POMGNT2: variants seen among roughly 807,000 people sequenced by gnomAD.
The protein encoded by POMGNT2 is protein O-linked mannose N-acetylglucosaminyltransferase 2 (beta 1,4-).
A neutral mutation model predicts 37.8 loss-of-function variants in POMGNT2; 32 were observed. That is an observed-to-expected ratio of 0.85 (90% CI 0.64 to 1.14). The LOEUF is 1.14. Among genes scored for constraint, POMGNT2 ranks in the 50% most tolerant of loss-of-function variants. The probability of loss-of-function intolerance (pLI) is 0.00; values close to 1 mark genes in which losing one functional copy is unlikely to be tolerated. For missense variants in POMGNT2, 705 were observed against 780.6 expected, an observed-to-expected ratio of 0.90 and a Z score of 1.15; for synonymous variants, 340 against 336.8, an observed-to-expected ratio of 1.01 and a Z score of -0.10.
rs1307756123 is a variant in POMGNT2 at position 43,098,605 on chromosome 3, C to T, written c.-106+7231G>A. ...AAGGGCTCACTTTCTTAGATTAAAA[C>T]TTTGACATGGGTAGTATCTTCTTGC... On this transcript the variant is annotated intron_variant, in intron 1 of 1. Coordinates refer to ENST00000344697, the MANE Select transcript of POMGNT2 (RefSeq NM_032806.6). This position sits in a 1 kb window ranked among gnomAD's most constrained non-coding sequence, Gnocchi z 4.3. 6.6e-6 allele frequency among the ~76,000 whole-genome samples: 1 copy of T among 152,136 alleles called. No homozygotes were observed. Among genetic ancestry groups the T allele is most frequent in the Non-Finnish European group, 1.5e-5 (1 of 68,014 alleles).
rs778188247 is a variant in POMGNT2 at position 43,080,633 on chromosome 3, A to T, written c.799T>A (p.Phe267Ile). 6.2e-7 allele frequency: 1 copy of T among 1,614,162 alleles called. No homozygotes were observed. The highest frequency in any genetic ancestry group is 1.7e-5 in the Admixed American group (1 of 60,030). Residue 267 changes from phenylalanine to isoleucine, a missense_variant, in exon 2 of 2, where the codon TTT becomes ATT. By Grantham distance (21) the Phe-to-Ile change is conservative. Transcript: ENST00000344697. ...AGCTTTTCTGTCATGAACCGTGCAA[A>T]CTGCCGGATCTCATTGCCTGAGACG... ...ILVSGNEIRQ[F>I]ARFMTEKLNV...
rs1271683157 is a variant in POMGNT2 at position 43,098,109 on chromosome 3, G to T, written c.-106+7727C>A. ...GAGGGGGTCAGCAACGGTGCAGAAG[G>T]TTTTATATTTTACTTTCACAGCAAT... is the stretch of plus-strand genomic sequence containing the variant. On this transcript the variant is annotated intron_variant, in intron 1 of 1. Transcript: ENST00000344697. The surrounding 1 kb of genome is among the most constrained non-coding windows in gnomAD (Gnocchi z 4.3). Among the ~76,000 whole-genome samples the T allele has an allele frequency of 6.6e-6, 1 of 152,218 alleles. No homozygotes were observed. Among genetic ancestry groups the T allele is most frequent in the African/African-American group, 2.4e-5 (1 of 41,446 alleles).
chr3:43,087,544 G>A (rs535279792), intron 1 of POMGNT2: 2 of 152,520 alleles, frequency 1.3e-5, no homozygotes, highest in Admixed American at 6.5e-5. Context: ...ATGAAGTTAG[G>A]ACTCCACTTC....
intron 1 of POMGNT2, chr3:43,090,561 C>T (rs1249335999): frequency 6.6e-6 from 1 of 152,036 alleles, no homozygotes; most frequent in Non-Finnish European, 1.5e-5. Context: ...ATGCCCTCAG[C>T]TGGAGTTCCG....
Position 43,080,740 on chromosome 3 carries a change from T to C in POMGNT2, c.692A>G (p.His231Arg), listed in dbSNP as rs779368036. Residue 231 changes from histidine (H) to arginine (R), a missense_variant, in exon 2 of 2, where the codon CAT (histidine) becomes CGT (arginine). Physicochemically the swap from His to Arg is conservative, Grantham distance 29. Coordinates refer to ENST00000344697, the MANE Select transcript of POMGNT2 (RefSeq NM_032806.6). ...KTLGRLLCFS[H>R]AFVGLSKITT... The stretch of plus-strand genomic sequence containing the variant: ...GATCTTGGAGAGGCCCACAAAAGCA[T>C]GGGAGAAGCACAGCAGCCGGCCCAG... The C allele has an allele frequency of 1.1e-5, 18 of 1,613,996 alleles. 1 individual carries two copies. The East Asian group carries it at 2.9e-4, about 26-fold the overall frequency.
Position 43,079,699 on chromosome 3 carries a change from C to T in POMGNT2, c.1733G>A (p.Cys578Tyr). 6.2e-7 allele frequency: 1 copy of T among 1,612,394 alleles called. No homozygotes were observed. Among genetic ancestry groups the T allele is most frequent in the Non-Finnish European group, 8.5e-7 (1 of 1,179,072 alleles). Residue 578 changes from cysteine to tyrosine, a missense_variant, in exon 2 of 2, where the codon TGC becomes TAC. Physicochemically the swap from Cys to Tyr is radical, Grantham distance 194 (BLOSUM62 -2). Transcript: ENST00000344697. ...GCTGTGGCCTGCTCGCTACGTGTTG[C>T]ACACCAGCACATCTGCAAAGGGTCC... Reference protein sequence around the residue: ...LLGPFADVLVCNT With the variant: ...LLGPFADVLVYNT
intron 1 of POMGNT2, among the ~76,000 whole-genome samples, chr3:43,100,104 A>C (rs1413132903): frequency 1.3e-5 from 2 of 151,566 alleles, no homozygotes; most frequent in African/African-American, 4.9e-5. Flanking sequence ...AGGACAAAGA[A>C]CTCTCCTACA....
intron 1 of POMGNT2, among the ~76,000 whole-genome samples, chr3:43,085,297 A>C (rs1457123952): frequency 8.5e-5 from 13 of 152,252 alleles, no homozygotes; most frequent in Non-Finnish European, 2.9e-5. Context: ...GCAAAGGTGG[A>C]AGTCTAGGCT....
At position 43,079,614 on chromosome 3, in the gene POMGNT2, C is replaced by T; in HGVS notation, c.*75G>A. On this transcript the variant is annotated 3_prime_UTR_variant, in exon 2 of 2. Transcript: ENST00000344697. ...TCAATAAATAGTTCCCAGAAGTCTCCACAGTGGGATTAATGGGCCCAGGGA... is the reference window on the plus strand; with the variant it reads ...TCAATAAATAGTTCCCAGAAGTCTCTACAGTGGGATTAATGGGCCCAGGGA... 1.5e-6 allele frequency: 2 copies of T among 1,349,634 alleles called. No homozygotes were observed. Among genetic ancestry groups the T allele is most frequent in the African/African-American group, 1.5e-5 (1 of 68,778 alleles). The allele number at this position is 1,349,634 out of a possible 1,614,324, so 83.6% of individuals were successfully genotyped here. A position where few individuals can be genotyped will look rare whatever the true frequency, so the allele number is the denominator to read the frequency against.
In POMGNT2 at chr3:43,079,710, A is replaced by T. The variant is rs768219554; in HGVS notation, c.1722T>A (p.Asp574Glu). Reference sequence around the variant, plus strand: ...CTCGCTACGTGTTGCACACCAGCACATCTGCAAAGGGTCCCAGGAGGATCT... The same window carrying T: ...CTCGCTACGTGTTGCACACCAGCACTTCTGCAAAGGGTCCCAGGAGGATCT... ...FNKILLGPFADVLVCNT is the reference protein window; with the variant it reads ...FNKILLGPFAEVLVCNT Residue 574 changes from aspartate to glutamate, a missense_variant, in exon 2 of 2, where the codon GAT becomes GAA. Transcript: ENST00000344697. 7 of 1,613,528 alleles carry T rather than the reference A, an allele frequency of 4.3e-6. No homozygotes were observed. The highest frequency in any genetic ancestry group is 8.5e-7 in the Non-Finnish European group (1 of 1,179,738).
At position 43,079,685 on chromosome 3, in the gene POMGNT2, C is replaced by T. The variant is rs374779130; in HGVS notation, c.*4G>A. Reference sequence around the variant, plus strand: ...CTTCCCGAGGCCAGGCTGTGGCCTGCTCGCTACGTGTTGCACACCAGCACA... The same window carrying T: ...CTTCCCGAGGCCAGGCTGTGGCCTGTTCGCTACGTGTTGCACACCAGCACA... On this transcript the variant is annotated 3_prime_UTR_variant, in exon 2 of 2. Coordinates refer to ENST00000344697, the MANE Select transcript of POMGNT2 (RefSeq NM_032806.6). The T allele has an allele frequency of 6.2e-7, 1 of 1,607,130 alleles. No homozygotes were observed. Among genetic ancestry groups the T allele is most frequent in the Non-Finnish European group, 8.5e-7 (1 of 1,176,126 alleles).
intron 1 of POMGNT2, among the ~76,000 whole-genome samples, chr3:43,084,988 G>A (rs2089885151): frequency 1.3e-5 from 2 of 151,972 alleles, no homozygotes. Flanking sequence ...CTGTACTGGT[G>A]GGGGAAAGGA....
chr3:43,090,932 T>C (rs546878753), intron 1 of POMGNT2, among the ~76,000 whole-genome samples: 3 of 152,330 alleles, frequency 2.0e-5, no homozygotes, highest in East Asian at 3.9e-4. Flanking sequence ...AGAGGAACTA[T>C]GTCAAGCACA....
chr3:43,079,831 T>C lies in POMGNT2; in HGVS notation c.1601A>G (p.Tyr534Cys). Residue 534 changes from tyrosine to cysteine, a missense_variant, in exon 2 of 2, where the codon TAC becomes TGC. Physicochemically the swap from Tyr to Cys is radical, Grantham distance 194. Transcript: ENST00000344697. ...VWLQEQGENT[Y>C]VPYILALQNH... ...CTGCAGAGCCAGGATGTAAGGCACG[T>C]AGGTGTTCTCCCCCTGCTCCTGCAG... is the stretch of plus-strand genomic sequence containing the variant. 1 of 1,614,180 alleles carries C rather than the reference T, an allele frequency of 6.2e-7. No individual in the cohort carries two copies. Among genetic ancestry groups the C allele is most frequent in the South Asian group, 1.1e-5 (1 of 91,090 alleles).
chr3:43,084,390 A>C (rs1268244076), intron 1 of POMGNT2, among the ~76,000 whole-genome samples: 1 of 152,178 alleles, frequency 6.6e-6, no homozygotes, highest in Non-Finnish European at 1.5e-5. Context: ...TCACACCTGT[A>C]ATCCCAGCAC....
Position 43,081,442 on chromosome 3 carries a change from C to T in POMGNT2, c.-11G>A. On this transcript the variant is annotated 5_prime_UTR_variant, in exon 2 of 2. In the 5' UTR this introduces an upstream ATG that the reference lacks. Coordinates refer to ENST00000344697, the MANE Select transcript of POMGNT2 (RefSeq NM_032806.6). The stretch of plus-strand genomic sequence containing the variant: ...CGCCGAGAGGTGCATCCTAATGCCA[C>T]TGTGGGGCCCTAATGAGATGACGGC... 6.5e-7 allele frequency: 1 copy of T among 1,535,854 alleles called. No homozygotes were observed. The highest frequency in any genetic ancestry group is 1.3e-5 in the South Asian group (1 of 78,644).
intron 1 of POMGNT2, among the ~76,000 whole-genome samples, chr3:43,082,161 CAT>C (rs1182520799): frequency 6.6e-6 from 1 of 152,214 alleles, no homozygotes; most frequent in African/African-American, 2.4e-5. Flanking sequence ...AAAGACAGGC[CAT>C]AGGAAAATCC....
rs114655612 is a variant in POMGNT2 at position 43,094,180 on chromosome 3, G to C, written c.-106+11656C>G. On this transcript the variant is annotated intron_variant, in intron 1 of 1. Coordinates refer to ENST00000344697, the MANE Select transcript of POMGNT2 (RefSeq NM_032806.6). ...ACAACCTGCATAAGCCAGCCAAACTGAAGGATCATGCAAAATCTTCAGGAA... is the reference window on the plus strand; with the variant it reads ...ACAACCTGCATAAGCCAGCCAAACTCAAGGATCATGCAAAATCTTCAGGAA... Among the ~76,000 whole-genome samples, 427 of 152,262 alleles carry C rather than the reference G, an allele frequency of 2.8e-3. 1 individual carries two copies. The highest frequency in any genetic ancestry group is 6.8e-3 in the Middle Eastern group (2 of 294).
At position 43,080,540 on chromosome 3, in the gene POMGNT2, T is replaced by C. The variant is rs778311042; in HGVS notation, c.892A>G (p.Arg298Gly). 1.2e-6 allele frequency: 2 copies of C among 1,614,208 alleles called. No individual in the cohort carries two copies. Among genetic ancestry groups the C allele is most frequent in the South Asian group, 2.2e-5 (2 of 91,080 alleles). Residue 298 changes from arginine to glycine, a missense_variant, in exon 2 of 2, where the codon AGA becomes GGA. Transcript: ENST00000344697. ...AGCTCTGCCTCATTCAGAATGAGTC[T>C]GTTCTGGGTTCGGCTAAAGACCAGA... Reference protein sequence around the residue: ...YILVFSRTQNRLILNEAELLL... With the variant: ...YILVFSRTQNGLILNEAELLL...
Sources: allele counts gnomAD v4.1 joint callset (sites outside exome capture counted in the v4.1 genomes callset), GRCh38; gene constraint gnomAD v4.1.1; non-coding constraint Gnocchi (gnomAD v3.1); transcripts MANE v1.5; gene names NCBI Gene and HGNC (gene_info 2026-07-23, HGNC 2026-07-21).